CEP112: variants seen among roughly 807,000 people sequenced by gnomAD.
The protein encoded by CEP112 is centrosomal protein of 112 kDa.
In CEP112, 127 loss-of-function variants were observed where a neutral mutation model predicts 153.0. The ratio of observed to expected loss-of-function variants is 0.83; its 90% confidence interval spans 0.72 to 0.96. The LOEUF (loss-of-function observed/expected upper bound fraction) is 0.96. CEP112 is among the 40% of genes least tolerant of loss of function. CEP112 has a pLI of 0.00. For missense variants in CEP112, 1,089 were observed against 1,101.2 expected (o/e 0.99, Z 0.16); for synonymous variants, 358 against 374.4 (o/e 0.96, Z 0.51).
chr17:65,953,429 G>T lies in CEP112; in HGVS notation c.1872+8034C>A, dbSNP rs192863406. 5.9e-5 allele frequency among the ~76,000 whole-genome samples: 9 copies of T among 152,322 alleles called. No homozygotes were observed. In the East Asian group the frequency reaches 1.4e-3, roughly 23 times the overall value. On this transcript the variant is annotated intron_variant, in intron 18 of 26. Transcript: ENST00000535342. ...CTCCAAGAACTACTACAGGAACATA[G>T]CAGGAAAGCTGAGAGAATCCACAGA...
intron 17 of CEP112, among the ~76,000 whole-genome samples, chr17:65,998,430 G>A (rs2063879706): frequency 6.8e-6 from 1 of 146,370 alleles, no homozygotes; most frequent in East Asian, 2.0e-4. Context: ...ATTGAACTGT[G>A]GTGATGGTTA....
intron 21 of CEP112, among the ~76,000 whole-genome samples, chr17:65,810,433 G>C (rs1267049239): frequency 6.6e-6 from 1 of 152,030 alleles, no homozygotes; most frequent in East Asian, 1.9e-4. Context: ...TTCATATCCT[G>C]TCTCCTCTAG....
intron 16 of CEP112, among the ~76,000 whole-genome samples, chr17:66,026,966 C>T (rs528864499): frequency 6.6e-6 from 1 of 152,258 alleles, no homozygotes; most frequent in Admixed American, 6.5e-5. Flanking sequence ...AAATATAACA[C>T]ACAAGCAGTG....
intron 23 of CEP112, among the ~76,000 whole-genome samples, chr17:65,740,762 C>A (rs1427543128): frequency 1.3e-5 from 2 of 152,176 alleles, no homozygotes; most frequent in Non-Finnish European, 2.9e-5. Flanking sequence ...CCCAGAAAAT[C>A]AAGCCTCATA....
intron 16 of CEP112, 117 bp downstream of exon 16, chr17:66,027,384 A>C (rs2065258986): frequency 9.9e-7 from 1 of 1,012,254 alleles, no homozygotes; most frequent in African/African-American, 1.7e-5. Flanking sequence ...CTAAAAAAAA[A>C]GACAAAGAAA....
chr17:66,163,224 T>C (rs1196208148), intron 4 of CEP112, among the ~76,000 whole-genome samples: 1 of 152,188 alleles, frequency 6.6e-6, no homozygotes, highest in Non-Finnish European at 1.5e-5. Context: ...AGTGTACCTA[T>C]GCACTGTACA....
Position 65,737,048 on chromosome 17 carries a change from A to T in CEP112, c.2607+6020T>A, listed in dbSNP as rs529969811. Among the ~76,000 whole-genome samples, 19 of 152,330 alleles carry T rather than the reference A, an allele frequency of 1.2e-4. No individual in the cohort carries two copies. The South Asian group carries it at 3.9e-3, about 32-fold the overall frequency. ...TCTCCAAAAGTGTTTGTTAGGCAGC[A>T]TTATTGTGGTAATATCTGAGCAGCA... is the stretch of plus-strand genomic sequence containing the variant. On this transcript the variant is annotated intron_variant, in intron 23 of 26. Coordinates refer to ENST00000535342, the MANE Select transcript of CEP112 (RefSeq NM_001199165.4).
At chr17:65,791,573 T>A (rs1412943348) in intron 21 of CEP112, among the ~76,000 whole-genome samples, 1 of 152,200 alleles carries the variant, frequency 6.6e-6, no homozygotes, top group Non-Finnish European at 1.5e-5. Context: ...AAACTTTTTC[T>A]CTGAAAAGAA....
At chr17:65,806,436 T>C (rs1376394085) in intron 21 of CEP112, among the ~76,000 whole-genome samples, 1 of 152,188 alleles carries the variant, frequency 6.6e-6, no homozygotes, top group East Asian at 1.9e-4. Context: ...AATGCAACTG[T>C]GTTAAGAAGT....
rs188408950 is a variant in CEP112 at position 65,726,459 on chromosome 17, C to G, written c.2607+16609G>C. Among the ~76,000 whole-genome samples the G allele has an allele frequency of 2.6e-5, 4 of 152,188 alleles. No homozygotes were observed. The East Asian group carries it at 7.7e-4, about 29-fold the overall frequency. Reference sequence around the variant, plus strand: ...GAGATAAGACCTTGAGATGATAAAACTTGACAAGTCTGAGGGTTAAAGATG... The same window carrying G: ...GAGATAAGACCTTGAGATGATAAAAGTTGACAAGTCTGAGGGTTAAAGATG... On this transcript the variant is annotated intron_variant, in intron 23 of 26. Transcript: ENST00000535342.
At chr17:65,871,568 G>C (rs2058671265) in intron 20 of CEP112, among the ~76,000 whole-genome samples, 1 of 152,190 alleles carries the variant, frequency 6.6e-6, no homozygotes, top group Non-Finnish European at 1.5e-5. Flanking sequence ...CTGGGAGGCG[G>C]AGATTACAGT....
intron 20 of CEP112, among the ~76,000 whole-genome samples, chr17:65,869,453 G>A (rs1462988830): frequency 6.6e-6 from 1 of 152,154 alleles, no homozygotes; most frequent in African/African-American, 2.4e-5. Flanking sequence ...CAAAGAATAG[G>A]TTAGCTGTGG....
intron 20 of CEP112, among the ~76,000 whole-genome samples, chr17:65,884,079 G>A (rs1351161701): frequency 1.3e-5 from 2 of 152,096 alleles, no homozygotes; most frequent in South Asian, 2.1e-4. Flanking sequence ...GATGAGAGAC[G>A]GGAACTTGAA....
intron 9 of CEP112, among the ~76,000 whole-genome samples, chr17:66,068,429 G>C (rs2146065844): frequency 6.6e-6 from 1 of 152,088 alleles, no homozygotes. Context: ...CCTCCAGCTT[G>C]AGCAACATAG....
At chr17:65,902,100 GA>G (rs2059887834) in intron 20 of CEP112, 51 bp downstream of exon 20, 1 of 1,372,750 alleles carries the variant, frequency 7.3e-7, no homozygotes, top group Non-Finnish European at 1.0e-6. Flanking sequence ...ATTAAACGCT[GA>G]TGACTTTTTA....
At chr17:66,123,164 G>A (rs560941384) in intron 6 of CEP112, among the ~76,000 whole-genome samples, 3 of 152,312 alleles carry the variant, frequency 2.0e-5, no homozygotes, top group African/African-American at 4.8e-5. Flanking sequence ...GAAGGCCACA[G>A]TATTCTTGAC....
chr17:65,956,265 G>A (rs1029484489), intron 18 of CEP112, among the ~76,000 whole-genome samples: 29 of 152,072 alleles, frequency 1.9e-4, no homozygotes, highest in Non-Finnish European at 3.8e-4. Context: ...CTACCCAGAG[G>A]AAAAGAAGTC....
At chr17:65,753,494 A>C (rs2052019455) in intron 21 of CEP112, among the ~76,000 whole-genome samples, 1 of 152,150 alleles carries the variant, frequency 6.6e-6, no homozygotes, top group African/African-American at 2.4e-5. Flanking sequence ...TCGAGTACAC[A>C]GGGTAGTTCT....
At chr17:65,715,880 A>G (rs1246728972) in intron 23 of CEP112, among the ~76,000 whole-genome samples, 2 of 152,196 alleles carry the variant, frequency 1.3e-5, no homozygotes, top group Non-Finnish European at 2.9e-5. Context: ...CCTTACAATC[A>G]TCACCCACAT....
Sources: gnomAD v4.1 joint callset for allele counts (sites outside exome capture counted in the v4.1 genomes callset) on GRCh38, gnomAD v4.1.1 for gene constraint, MANE v1.5 for transcripts, NCBI Gene and HGNC (gene_info 2026-07-23, HGNC 2026-07-21) for gene names.